Variants in DSCAML1 observed in about 807,000 individuals in gnomAD.
DSCAML1 encodes the protein cell adhesion molecule DSCAML1.
Under a neutral mutation model 200.5 loss-of-function variants are expected in DSCAML1, and 38 were observed. The ratio of observed to expected loss-of-function variants is 0.19; its 90% CI spans 0.15 to 0.25. The LOEUF is 0.25. Among genes scored for constraint, DSCAML1 ranks in the 10% least tolerant of loss-of-function variants. The probability of loss-of-function intolerance (pLI) is 1.00; values close to 1 mark genes in which losing one functional copy is unlikely to be tolerated. For missense variants in DSCAML1, 2,223 were observed against 2,858.8 expected, an observed-to-expected ratio of 0.78 and a Z score of 5.07; for synonymous variants, 1,215 against 1,165.0, an observed-to-expected ratio of 1.04 and a Z score of -0.87.
intron 3 of DSCAML1, among the ~76,000 whole-genome samples, chr11:117,693,647 C>T (rs541123320): frequency 2.6e-5 from 4 of 152,154 alleles, no homozygotes; most frequent in East Asian, 3.9e-4. Context: ...TTCTGGGCCC[C>T]GTGATGCTAC....
chr11:117,555,589 C>T (rs2050545698), intron 3 of DSCAML1, among the ~76,000 whole-genome samples: 1 of 152,082 alleles, frequency 6.6e-6, no homozygotes, highest in Non-Finnish European at 1.5e-5. Context: ...GTGAAGGCCA[C>T]ATCATATGCA....
At chr11:117,583,663 C>T (rs2051086592) in intron 3 of DSCAML1, among the ~76,000 whole-genome samples, 3 of 152,218 alleles carry the variant, frequency 2.0e-5, no homozygotes, top group African/African-American at 7.2e-5. Context: ...GGAGCAGAAG[C>T]ATCTGACACG....
At position 117,471,926 on chromosome 11, in the gene DSCAML1, T is replaced by G. The variant is rs1374280358; in HGVS notation, c.2896A>C (p.Asn966His). Reference protein sequence around the residue: ...SVYSIRMYSFNKIGRSEPSKE... With the variant: ...SVYSIRMYSFHKIGRSEPSKE... ...CTTGGTTCACTGCGGCCAATCTTGT[T>G]GAAAGAGTACATGCGGATGCTGTAC... is the stretch of plus-strand genomic sequence containing the variant. Residue 966 changes from asparagine (N) to histidine (H), a missense_variant, in exon 15 of 33, where the codon AAC (asparagine) becomes CAC (histidine). Transcript: ENST00000651296. The G allele has an allele frequency of 1.2e-6, 2 of 1,613,936 alleles. No homozygotes were observed. The highest frequency in any genetic ancestry group is 3.3e-5 in the Admixed American group (2 of 60,002).
intron 3 of DSCAML1, among the ~76,000 whole-genome samples, chr11:117,685,582 G>T (rs1210945231): frequency 6.6e-6 from 1 of 152,144 alleles, no homozygotes; most frequent in Non-Finnish European, 1.5e-5. Flanking sequence ...GTTCCAGCAC[G>T]GGTGCCTACA....
chr11:117,694,827 T>C (rs2053561092), intron 3 of DSCAML1, among the ~76,000 whole-genome samples: 1 of 152,244 alleles, frequency 6.6e-6, no homozygotes, highest in Non-Finnish European at 1.5e-5. Flanking sequence ...TATGATTTCC[T>C]TCCAGGGACT....
intron 4 of DSCAML1, among the ~76,000 whole-genome samples, chr11:117,528,480 G>T (rs1292915941): frequency 6.6e-6 from 1 of 152,232 alleles, no homozygotes; most frequent in East Asian, 1.9e-4. Flanking sequence ...AGGGCTGGGG[G>T]AGACAGATGG....
chr11:117,450,463 AGG>A, intron 20 of DSCAML1, 84 bp downstream of exon 20: 1 of 1,526,080 alleles, frequency 6.6e-7, no homozygotes, highest in East Asian at 2.3e-5. Context: ...AGGCAGCCTC[AGG>A]GTTTGGCCTG....
intron 3 of DSCAML1, among the ~76,000 whole-genome samples, chr11:117,576,177 A>C (rs2050930571): frequency 6.6e-6 from 1 of 152,200 alleles, no homozygotes; most frequent in African/African-American, 2.4e-5. Flanking sequence ...TTCTAGGACC[A>C]ACTGACCCCT....
intron 4 of DSCAML1, among the ~76,000 whole-genome samples, chr11:117,526,529 A>G (rs532462039): frequency 1.3e-5 from 2 of 151,172 alleles, no homozygotes; most frequent in African/African-American, 2.4e-5. Flanking sequence ...TTTTATTTTT[A>G]TTTTTTTGAG....
chr11:117,797,297 C>T (rs543263873), upstream of DSCAML1: 131 of 1,320,742 alleles, frequency 9.9e-5, no homozygotes, highest in East Asian at 3.3e-3. Context: ...TCCCCGCCCC[C>T]CCGCGGCACC....
chr11:117,441,958 CTG>C (rs948872773), intron 21 of DSCAML1, among the ~76,000 whole-genome samples: 3 of 152,048 alleles, frequency 2.0e-5, no homozygotes, highest in Non-Finnish European at 4.4e-5. Context: ...CTCCCTGAAT[CTG>C]TGTCTCAGGG....
At chr11:117,485,541 A>C (rs548106019) in intron 11 of DSCAML1, among the ~76,000 whole-genome samples, 2 of 152,250 alleles carry the variant, frequency 1.3e-5, no homozygotes, top group East Asian at 3.9e-4. Context: ...CCACCCCTTA[A>C]AGCTAACTTC....
chr11:117,743,470 T>C (rs542201903), intron 3 of DSCAML1, among the ~76,000 whole-genome samples: 1 of 152,150 alleles, frequency 6.6e-6, no homozygotes, highest in South Asian at 2.1e-4. Flanking sequence ...GCACAGGCCC[T>C]CTGTCCCCCC....
chr11:117,494,676 A>G (rs2049256630), intron 11 of DSCAML1, among the ~76,000 whole-genome samples: 6 of 152,220 alleles, frequency 3.9e-5, no homozygotes, highest in Admixed American at 2.0e-4. Context: ...AGGTCTTTGC[A>G]GATGTAATCA....
intron 8 of DSCAML1, among the ~76,000 whole-genome samples, chr11:117,508,816 C>T (rs969466277): frequency 2.0e-5 from 3 of 152,066 alleles, no homozygotes; most frequent in Non-Finnish European, 4.4e-5. Context: ...CAAGCCCGGG[C>T]ACAGACGGCC....
In DSCAML1 at chr11:117,503,923, C is replaced by T; in HGVS notation, c.2281G>A (p.Asp761Asn). The T allele has an allele frequency of 6.2e-7, 1 of 1,614,106 alleles. No individual in the cohort carries two copies. The highest frequency in any genetic ancestry group is 8.5e-7 in the Non-Finnish European group (1 of 1,180,026). The part of the protein sequence containing the change: ...SLLIRHVLEE[D>N]IGYYLCQASN... Reference sequence around the variant, plus strand: ...GCCTGGCAGAGGTAGTAGCCGATGTCCTCTTCTAGGACGTGGCGGATCAGC... The same window carrying T: ...GCCTGGCAGAGGTAGTAGCCGATGTTCTCTTCTAGGACGTGGCGGATCAGC... Residue 761 changes from aspartate (D) to asparagine (N), a missense_variant, in exon 11 of 33, where the codon GAC (aspartate) becomes AAC (asparagine). Around this residue, in one of 7 missense-constraint regions of DSCAML1, gnomAD observed 212 missense variants for 368.0 expected, o/e 0.58. Transcript: ENST00000651296. The surrounding 1 kb of genome is among the most constrained non-coding windows in gnomAD (Gnocchi z 5.2).
intron 1 of DSCAML1, among the ~76,000 whole-genome samples, chr11:117,810,227 A>C (rs550718961): frequency 6.7e-6 from 1 of 149,196 alleles, no homozygotes; most frequent in South Asian, 2.1e-4. Flanking sequence ...CCGTGGACCC[A>C]AACTCCGTGG....
At chr11:117,674,270 C>T (rs1181537792) in intron 3 of DSCAML1, among the ~76,000 whole-genome samples, 1 of 152,204 alleles carries the variant, frequency 6.6e-6, no homozygotes, top group Non-Finnish European at 1.5e-5. Flanking sequence ...GTGCTCCTTT[C>T]TGGCTTTCCA....
chr11:117,534,558 G>T (rs759730970), intron 3 of DSCAML1, among the ~76,000 whole-genome samples: 2 of 152,206 alleles, frequency 1.3e-5, no homozygotes, highest in African/African-American at 4.8e-5. Context: ...CTGGAAGGCA[G>T]CTGTGATGCC....
Sources: allele counts gnomAD v4.1 joint callset (sites outside exome capture counted in the v4.1 genomes callset), GRCh38; gene constraint gnomAD v4.1.1; regional missense constraint gnomAD v4.1.1; non-coding constraint Gnocchi (gnomAD v3.1); transcripts MANE v1.5; gene names NCBI Gene and HGNC (gene_info 2026-07-23, HGNC 2026-07-21).